The following YEATS4 variants were observed in gnomAD, a reference collection of about 807,000 sequenced individuals.
YEATS4 encodes the protein YEATS domain-containing protein 4.
Under a neutral mutation model 30.1 loss-of-function variants are expected in YEATS4, and 17 were observed. The ratio of observed to expected loss-of-function variants is 0.56; its 90% confidence interval spans 0.39 to 0.85. The LOEUF (loss-of-function observed/expected upper bound fraction) is 0.85. Ranked by LOEUF, YEATS4 falls within the 40% of genes least tolerant of loss-of-function variation. The pLI is 0.00. For synonymous variants in YEATS4, 85 were observed against 87.5 expected (o/e 0.97, Z 0.16); for missense variants, 142 against 268.3 (o/e 0.53, Z 3.29).
At position 69,372,278 on chromosome 12, in the gene YEATS4, A is replaced by C. The variant is rs141222672; in HGVS notation, c.514+1303A>C. On this transcript the variant is annotated intron_variant, in intron 6 of 6. Transcript: ENST00000247843. ...TTGATACAGGCATACAATGTCTAAAAATTACATCCAGGAAATGAGATATCG... is the reference window on the plus strand; with the variant it reads ...TTGATACAGGCATACAATGTCTAAACATTACATCCAGGAAATGAGATATCG... Among the ~76,000 whole-genome samples the C allele has an allele frequency of 4.9e-3, 742 of 152,248 alleles. 3 individuals are homozygous for C. Among genetic ancestry groups the C allele is most frequent in the African/African-American group, 0.017 (712 of 41,548 alleles).
chr12:69,389,528 C>T (rs1235222387), intron 6 of YEATS4, among the ~76,000 whole-genome samples: 1 of 144,186 alleles, frequency 6.9e-6, no homozygotes. Flanking sequence ...CACCCCCACC[C>T]ATTAAGACAG....
At chr12:69,425,455 T>C in the YEATS4 span, among the ~76,000 whole-genome samples, 5 of 152,204 alleles carry the variant, frequency 3.3e-5, no homozygotes, top group African/African-American at 1.2e-4. Flanking sequence ...GCTTGCAGAA[T>C]GGACAGCTCT....
At chr12:69,398,045 A>C in the YEATS4 span, among the ~76,000 whole-genome samples, 31 of 152,308 alleles carry the variant, frequency 2.0e-4, no homozygotes, top group African/African-American at 6.7e-4. Flanking sequence ...TTAAAAAAAC[A>C]CTCAACGAAT....
At chr12:69,395,164 A>T (rs1304626233), downstream of YEATS4, among the ~76,000 whole-genome samples, 3 of 152,200 alleles carry the variant, frequency 2.0e-5, no homozygotes, top group Non-Finnish European at 4.4e-5. Context: ...AAGCAAGTAG[A>T]GTTTTAGGAA....
At chr12:69,378,000 T>C (rs975820329) in intron 6 of YEATS4, among the ~76,000 whole-genome samples, 1 of 152,208 alleles carries the variant, frequency 6.6e-6, no homozygotes, top group Non-Finnish European at 1.5e-5. Context: ...TCTAATAATA[T>C]TTGCTTTATG....
At chr12:69,416,361 T>G in the YEATS4 span, among the ~76,000 whole-genome samples, 2 of 152,196 alleles carry the variant, frequency 1.3e-5, no homozygotes, top group East Asian at 3.8e-4. Flanking sequence ...TTCTATGCAA[T>G]TTACAGTCCT....
the YEATS4 span, among the ~76,000 whole-genome samples, chr12:69,419,168 T>C: frequency 6.7e-6 from 1 of 149,952 alleles, no homozygotes; most frequent in Non-Finnish European, 1.5e-5. Context: ...CATGAATAAA[T>C]TCTCCCTATG....
chr12:69,383,781 G>A (rs780320575), intron 6 of YEATS4, among the ~76,000 whole-genome samples: 1 of 152,172 alleles, frequency 6.6e-6, no homozygotes, highest in Non-Finnish European at 1.5e-5. Context: ...AAGATAAATT[G>A]GAGACAGACA....
At chr12:69,396,730 T>C in the YEATS4 span, among the ~76,000 whole-genome samples, 2 of 152,192 alleles carry the variant, frequency 1.3e-5, no homozygotes, top group Non-Finnish European at 2.9e-5. Flanking sequence ...TTTACTCTTA[T>C]TTTGCACATC....
At chr12:69,407,121 CT>C in the YEATS4 span, among the ~76,000 whole-genome samples, 1 of 151,502 alleles carries the variant, frequency 6.6e-6, no homozygotes, top group African/African-American at 2.4e-5. Context: ...GGCCCAATTT[CT>C]CTTAACATTT....
the YEATS4 span, among the ~76,000 whole-genome samples, chr12:69,421,045 A>G: frequency 4.0e-5 from 6 of 151,668 alleles, no homozygotes; most frequent in African/African-American, 1.5e-4. Flanking sequence ...TTTTGGGGGG[A>G]TGGGGTCTCG....
the YEATS4 span, among the ~76,000 whole-genome samples, chr12:69,398,320 C>CA: frequency 2.7e-4 from 40 of 150,470 alleles, no homozygotes; most frequent in Admixed American, 1.6e-3. Context: ...CACACACACA[C>CA]ACAAAAAAAC....
chr12:69,387,912 A>G (rs1565682810), intron 6 of YEATS4, among the ~76,000 whole-genome samples: 1 of 152,212 alleles, frequency 6.6e-6, no homozygotes, highest in Admixed American at 6.5e-5. Flanking sequence ...TGTACTACCT[A>G]TGTATAAAAA....
the YEATS4 span, among the ~76,000 whole-genome samples, chr12:69,411,369 A>G: frequency 1.3e-5 from 2 of 152,126 alleles, no homozygotes; most frequent in Non-Finnish European, 2.9e-5. Flanking sequence ...GGCACAAGCA[A>G]TCCTCCCACC....
In YEATS4 at chr12:69,362,981, A is replaced by AATTTTTTTTTTTTTTTTT. The variant is rs1198849494; in HGVS notation, c.171+74_171+75insATTTTTTTTTTTTTTTTT. On this transcript the variant is annotated intron_variant, in intron 2 of 6. Coordinates refer to ENST00000247843, the MANE Select transcript of YEATS4 (RefSeq NM_006530.4). ...TTTGTTTTGCTTAAAGACAACCTGTAGTTTTTTTTTTTTTTTTTTTTTTTT... is the reference window on the plus strand; with the variant it reads ...TTTGTTTTGCTTAAAGACAACCTGTAATTTTTTTTTTTTTTTTTGTTTTTTTTTTTTTTTTTTTTTTTT... 18 of 307,590 alleles carry AATTTTTTTTTTTTTTTTT rather than the reference A, an allele frequency of 5.9e-5. 8 individuals carry two copies. Among genetic ancestry groups the AATTTTTTTTTTTTTTTTT allele is most frequent in the African/African-American group, 2.9e-4 (8 of 27,712 alleles). The allele number at this position is 307,590 out of a possible 1,614,324, so 19.1% of individuals were successfully genotyped here.
chr12:69,382,551 C>T (rs972684223), intron 6 of YEATS4, among the ~76,000 whole-genome samples: 2 of 152,226 alleles, frequency 1.3e-5, no homozygotes, highest in African/African-American at 2.4e-5. Context: ...CTTCAGTCAG[C>T]TTGTGTTGAA....
intron 6 of YEATS4, among the ~76,000 whole-genome samples, chr12:69,372,807 G>C (rs1227375120): frequency 6.6e-6 from 1 of 152,022 alleles, no homozygotes; most frequent in Non-Finnish European, 1.5e-5. Flanking sequence ...CAAAGTGCTA[G>C]GATTATAGGC....
chr12:69,422,339 G>A, the YEATS4 span, among the ~76,000 whole-genome samples: 1 of 152,096 alleles, frequency 6.6e-6, no homozygotes, highest in Non-Finnish European at 1.5e-5. Flanking sequence ...ACAAAGAAAA[G>A]AAGAAACAGT....
At chr12:69,414,143 T>G in the YEATS4 span, among the ~76,000 whole-genome samples, 1 of 152,244 alleles carries the variant, frequency 6.6e-6, no homozygotes, top group Non-Finnish European at 1.5e-5. Context: ...TAATTGCATA[T>G]TTGATACTTT....
Sources: gnomAD v4.1 joint callset for allele counts (sites outside exome capture counted in the v4.1 genomes callset) on GRCh38, gnomAD v4.1.1 for gene constraint, MANE v1.5 for transcripts, NCBI Gene and HGNC (gene_info 2026-07-23, HGNC 2026-07-21) for gene names.